Variants in KIF6 observed in about 807,000 individuals in gnomAD.
KIF6 encodes the protein kinesin family member 6, also known as kinesin-like protein KIF6.
KIF6 carries 106 observed loss-of-function variants against 112.7 expected under a neutral mutation model. The observed-to-expected ratio is 0.94, with a 90% CI of 0.80 to 1.11. The LOEUF is 1.11. Ranked by LOEUF, KIF6 falls within the 50% of genes least tolerant of loss-of-function variation. KIF6 has a pLI of 0.00. For synonymous variants in KIF6, 339 were observed against 339.9 expected, an observed-to-expected ratio of 1.00 and a Z score of 0.03; for missense variants, 929 against 964.0, an observed-to-expected ratio of 0.96 and a Z score of 0.48.
chr6:39,521,164 A>T (rs2150525506), intron 13 of KIF6, among the ~76,000 whole-genome samples: 1 of 152,290 alleles, frequency 6.6e-6, no homozygotes, highest in South Asian at 2.1e-4. Context: ...GTCTCTCATC[A>T]CAGGATGAAG....
At chr6:39,437,173 C>A (rs4527702) in intron 13 of KIF6, among the ~76,000 whole-genome samples, 8,552 of 151,944 alleles carry the variant, frequency 0.056, 442 homozygotes, top group East Asian at 0.24. Context: ...TCAGCTTGGT[C>A]CTTGTTGATG....
chr6:39,344,449 G>C (rs181485108), intron 21 of KIF6, among the ~76,000 whole-genome samples: 4 of 152,246 alleles, frequency 2.6e-5, no homozygotes, highest in East Asian at 1.9e-4. Context: ...TGACCTACCA[G>C]GCTGTGTATG....
chr6:39,582,699 G>A (rs1781361813), intron 9 of KIF6, among the ~76,000 whole-genome samples: 1 of 152,104 alleles, frequency 6.6e-6, no homozygotes, highest in African/African-American at 2.4e-5. Flanking sequence ...ACAGGCGTGA[G>A]CCACCGTGCC....
chr6:39,394,376 A>G (rs940428670), intron 15 of KIF6, among the ~76,000 whole-genome samples: 4 of 152,224 alleles, frequency 2.6e-5, no homozygotes, highest in Non-Finnish European at 5.9e-5. Flanking sequence ...ATGTGATGTC[A>G]TCTGCCATGT....
intron 13 of KIF6, among the ~76,000 whole-genome samples, chr6:39,532,060 C>A (rs975425008): frequency 3.3e-5 from 5 of 152,068 alleles, no homozygotes; most frequent in African/African-American, 1.2e-4. Context: ...CCTTCACCCC[C>A]GCTTTTGGGA....
At chr6:39,594,648 T>C (rs1782147240) in intron 7 of KIF6, among the ~76,000 whole-genome samples, 1 of 152,186 alleles carries the variant, frequency 6.6e-6, no homozygotes, top group Non-Finnish European at 1.5e-5. Context: ...TCTGCGTTTT[T>C]AGCCAATGTG....
intron 10 of KIF6, among the ~76,000 whole-genome samples, chr6:39,564,442 G>A (rs531750095): frequency 6.6e-6 from 1 of 152,312 alleles, no homozygotes; most frequent in Non-Finnish European, 1.5e-5. Flanking sequence ...GCTTCTTAGA[G>A]TTAGGTTTCA....
At chr6:39,579,099 T>C (rs1386876655) in intron 9 of KIF6, among the ~76,000 whole-genome samples, 1 of 152,228 alleles carries the variant, frequency 6.6e-6, no homozygotes, top group African/African-American at 2.4e-5. Flanking sequence ...GTGTGCACTT[T>C]AGAAGTAGGA....
At position 39,536,833 on chromosome 6, in the gene KIF6, C is replaced by T. The variant is rs918455195; in HGVS notation, c.1645+3170G>A. Among the ~76,000 whole-genome samples, 30 of 152,262 alleles carry T rather than the reference C, an allele frequency of 2.0e-4. No homozygotes were observed. In the East Asian group the frequency reaches 2.7e-3, roughly 14 times the overall value. ...AATCCTCAATAAAATACTGGCAAAA[C>T]GAATCCAGCAGCACATCAAAAAGCT... is the stretch of plus-strand genomic sequence containing the variant. On this transcript the variant is annotated intron_variant, in intron 13 of 22. Transcript: ENST00000287152.
intron 13 of KIF6, among the ~76,000 whole-genome samples, chr6:39,530,700 G>A (rs570642026): frequency 6.6e-6 from 1 of 152,316 alleles, no homozygotes; most frequent in East Asian, 1.9e-4. Context: ...GGAAATGAGA[G>A]AGGGTTGTCA....
intron 13 of KIF6, among the ~76,000 whole-genome samples, chr6:39,486,986 C>T (rs1775150809): frequency 6.6e-6 from 1 of 151,988 alleles, no homozygotes; most frequent in African/African-American, 2.4e-5. Context: ...ATGCTATAAA[C>T]AAAACAATTA....
intron 3 of KIF6, among the ~76,000 whole-genome samples, chr6:39,675,779 A>G (rs573398519): frequency 2.6e-5 from 4 of 151,384 alleles, no homozygotes; most frequent in Non-Finnish European, 4.4e-5. Context: ...AACAGATAGG[A>G]AAAAAAAATG....
At chr6:39,714,523 A>T (rs899956352) in intron 3 of KIF6, among the ~76,000 whole-genome samples, 169 bp downstream of exon 3, 3 of 152,196 alleles carry the variant, frequency 2.0e-5, no homozygotes, top group Non-Finnish European at 4.4e-5. Context: ...CAGAATCTAA[A>T]TCTAAAACAA....
intron 13 of KIF6, among the ~76,000 whole-genome samples, chr6:39,440,023 CA>C (rs1771815953): frequency 6.6e-6 from 1 of 152,102 alleles, no homozygotes; most frequent in Non-Finnish European, 1.5e-5. Flanking sequence ...TAGTCGGAGC[CA>C]AAAATATATT....
At chr6:39,355,607 G>A (rs1272361895) in intron 19 of KIF6, among the ~76,000 whole-genome samples, 1 of 151,630 alleles carries the variant, frequency 6.6e-6, no homozygotes, top group Non-Finnish European at 1.5e-5. Context: ...GAGATTACAG[G>A]CATGCACCAC....
At chr6:39,574,609 G>A (rs1003414263) in intron 10 of KIF6, among the ~76,000 whole-genome samples, 6 of 151,678 alleles carry the variant, frequency 4.0e-5, no homozygotes, top group Non-Finnish European at 7.4e-5. Flanking sequence ...GTATTTTGTG[G>A]CTCTAAAAAT....
intron 3 of KIF6, among the ~76,000 whole-genome samples, chr6:39,694,504 A>G (rs535982856): frequency 1.3e-5 from 2 of 152,298 alleles, no homozygotes; most frequent in East Asian, 1.9e-4. Flanking sequence ...AAAAATCACT[A>G]TCATTTCTGT....
intron 16 of KIF6, among the ~76,000 whole-genome samples, chr6:39,366,287 G>T (rs1252712104): frequency 6.6e-6 from 1 of 152,232 alleles, no homozygotes; most frequent in Non-Finnish European, 1.5e-5. Flanking sequence ...GGCTTAGGGT[G>T]ACTGGGTGGC....
At chr6:39,365,386 C>T (rs1293345471) in intron 16 of KIF6, among the ~76,000 whole-genome samples, 2 of 152,188 alleles carry the variant, frequency 1.3e-5, no homozygotes, top group Non-Finnish European at 2.9e-5. Flanking sequence ...CTGTCCACAT[C>T]ACCCACAGCC....
Sources: gnomAD v4.1 joint callset for allele counts (sites outside exome capture counted in the v4.1 genomes callset) on GRCh38, gnomAD v4.1.1 for gene constraint, MANE v1.5 for transcripts, NCBI Gene and HGNC (gene_info 2026-07-23, HGNC 2026-07-21) for gene names.